The following RGL1 variants were observed in gnomAD, a reference collection of about 807,000 sequenced individuals.
RGL1 encodes the protein ral guanine nucleotide dissociation stimulator-like 1.
Under a neutral mutation model 95.2 loss-of-function variants are expected in RGL1, and 24 were observed. That is an observed-to-expected ratio of 0.25 (90% CI 0.18 to 0.35). The LOEUF (loss-of-function observed/expected upper bound fraction) is 0.35. Ranked by LOEUF, RGL1 falls within the 10% of genes least tolerant of loss-of-function variation. The pLI is 1.00. For synonymous variants in RGL1, 329 were observed against 344.9 expected (o/e 0.95, Z 0.51); for missense variants, 715 against 936.3 (o/e 0.76, Z 3.08).
chr1:183,909,854 T>C (rs1668544204), intron 14 of RGL1, among the ~76,000 whole-genome samples: 1 of 152,180 alleles, frequency 6.6e-6, no homozygotes, highest in South Asian at 2.1e-4. Flanking sequence ...GGTGTAAATC[T>C]GTTAACGGTA....
At chr1:183,874,462 G>C (rs1470819553) in intron 4 of RGL1, among the ~76,000 whole-genome samples, 1 of 151,924 alleles carries the variant, frequency 6.6e-6, no homozygotes, top group Non-Finnish European at 1.5e-5. Context: ...CTGTCTTTCT[G>C]TATGTCTTCC....
intron 17 of RGL1, among the ~76,000 whole-genome samples, chr1:183,924,578 C>T (rs1316451427): frequency 1.3e-5 from 2 of 152,018 alleles, no homozygotes; most frequent in African/African-American, 4.8e-5. Flanking sequence ...ACCTGTGTAA[C>T]AAACCTGCAC....
chr1:183,696,425 TAGGA>T (rs1316738015), intron 1 of RGL1, among the ~76,000 whole-genome samples: 1 of 152,206 alleles, frequency 6.6e-6, no homozygotes, highest in Non-Finnish European at 1.5e-5. Flanking sequence ...TCTAGGTGCA[TAGGA>T]AGGAAGTTAA....
chr1:183,892,657 C>A (rs933256490), intron 9 of RGL1, among the ~76,000 whole-genome samples: 8 of 152,176 alleles, frequency 5.3e-5, no homozygotes, highest in Non-Finnish European at 1.2e-4. Context: ...TAGCTTAGTT[C>A]ATTTTATGTC....
At chr1:183,669,031 C>G (rs528640282) in intron 1 of RGL1, among the ~76,000 whole-genome samples, 19 of 151,504 alleles carry the variant, frequency 1.3e-4, no homozygotes, top group Non-Finnish European at 2.7e-4. Context: ...CAACCTCCGC[C>G]TCCCGGGTTC....
intron 2 of RGL1, among the ~76,000 whole-genome samples, chr1:183,831,039 A>C (rs1277938734): frequency 1.3e-5 from 2 of 152,214 alleles, no homozygotes; most frequent in Non-Finnish European, 2.9e-5. Context: ...AGTGGTGGGC[A>C]AGACAGTTAA....
intron 14 of RGL1, among the ~76,000 whole-genome samples, chr1:183,910,040 C>T (rs1312783023): frequency 6.6e-6 from 1 of 152,112 alleles, no homozygotes; most frequent in African/African-American, 2.4e-5. Flanking sequence ...TGCTTAATTA[C>T]TATTCCTCTG....
rs529479741 is a variant in RGL1 at position 183,661,305 on chromosome 1, C to T, written c.-33+24804C>T. The stretch of plus-strand genomic sequence containing the variant: ...GAAAGGATCAACAAAATTGATAGAC[C>T]GCTAGCAAGACTAGTAAAGAAGAAA... On this transcript the variant is annotated intron_variant, in intron 1 of 18. Coordinates refer to the RGL1 transcript ENST00000304685. Among the ~76,000 whole-genome samples the T allele has an allele frequency of 8.6e-5, 13 of 152,044 alleles. No homozygotes were observed. The East Asian group carries it at 9.6e-4, about 11-fold the overall frequency.
chr1:183,809,578 A>G (rs577193398), intron 2 of RGL1, among the ~76,000 whole-genome samples: 2 of 152,320 alleles, frequency 1.3e-5, no homozygotes, highest in East Asian at 1.9e-4. Flanking sequence ...TTACCCACCT[A>G]TAATTCTCGA....
intron 3 of RGL1, among the ~76,000 whole-genome samples, chr1:183,857,012 G>C (rs1042478847): frequency 2.6e-5 from 4 of 152,160 alleles, no homozygotes; most frequent in African/African-American, 9.7e-5. Flanking sequence ...TAGGTTATAT[G>C]CAAAGGGGAA....
intron 14 of RGL1, 97 bp from the exon 15 acceptor site, chr1:183,911,985 A>T: frequency 1.9e-6 from 2 of 1,062,556 alleles, no homozygotes; most frequent in Non-Finnish European, 2.7e-6. Flanking sequence ...CACAAGACTG[A>T]AAAAACATCA....
chr1:183,807,860 TGATAGGGAAAGCAGAACTA>T lies in RGL1; in HGVS notation c.138+1378_138+1396del, dbSNP rs1661445071. ...TAATTATGTATATCACTAGCAGACC[TGATAGGGAAAGCAGAACTA>T]GAGTTCTGACAAGTCATCACTTTGT... On this transcript the variant is annotated intron_variant, in intron 2 of 17. Transcript: ENST00000360851. Among the ~76,000 whole-genome samples, 4 of 152,260 alleles carry T rather than the reference TGATAGGGAAAGCAGAACTA, an allele frequency of 2.6e-5. No homozygotes were observed. The South Asian group carries it at 8.3e-4, about 32-fold the overall frequency.
At position 183,908,967 on chromosome 1, in the gene RGL1, C is replaced by T. The variant is rs181195148; in HGVS notation, c.1562+1866C>T. 5.9e-5 allele frequency among the ~76,000 whole-genome samples: 9 copies of T among 152,292 alleles called. No individual in the cohort carries two copies. The East Asian group carries it at 1.7e-3, about 29-fold the overall frequency. Reference sequence around the variant, plus strand: ...CCCCTGGATCCTCTGTCTTCACTGACACAGACAAGTGGTCAGTCCTATGAA... The same window carrying T: ...CCCCTGGATCCTCTGTCTTCACTGATACAGACAAGTGGTCAGTCCTATGAA... On this transcript the variant is annotated intron_variant, in intron 14 of 17. Coordinates refer to ENST00000360851, the MANE Select transcript of RGL1 (RefSeq NM_001297671.3).
chr1:183,795,030 G>C (rs1045228853), intron 2 of RGL1, among the ~76,000 whole-genome samples: 9 of 152,100 alleles, frequency 5.9e-5, no homozygotes, highest in Non-Finnish European at 1.0e-4. Context: ...TAATTACTAA[G>C]TACTTGCTGA....
At chr1:183,843,937 C>T (rs931236678) in intron 2 of RGL1, among the ~76,000 whole-genome samples, 4 of 152,180 alleles carry the variant, frequency 2.6e-5, no homozygotes, top group African/African-American at 7.2e-5. Context: ...AAGTGATTCT[C>T]CTGCCTCAGC....
At chr1:183,716,759 G>C (rs1236914189) in intron 1 of RGL1, among the ~76,000 whole-genome samples, 1 of 152,212 alleles carries the variant, frequency 6.6e-6, no homozygotes, top group African/African-American at 2.4e-5. Flanking sequence ...TTTCTTGTCT[G>C]TAAAATGTAA....
intron 2 of RGL1, among the ~76,000 whole-genome samples, chr1:183,827,877 C>A (rs189424925): frequency 6.6e-6 from 1 of 152,180 alleles, no homozygotes; most frequent in Non-Finnish European, 1.5e-5. Context: ...AATGACAAAG[C>A]AGTATGGAGT....
intron 3 of RGL1, among the ~76,000 whole-genome samples, chr1:183,857,325 C>T (rs1665218067): frequency 6.6e-6 from 1 of 152,224 alleles, no homozygotes; most frequent in African/African-American, 2.4e-5. Context: ...GCCCTGACAA[C>T]ACCTTGATTT....
chr1:183,770,886 C>G (rs1659240119), intron 2 of RGL1, among the ~76,000 whole-genome samples: 1 of 152,140 alleles, frequency 6.6e-6, no homozygotes, highest in Non-Finnish European at 1.5e-5. Flanking sequence ...CCATAAAGAT[C>G]AGTTCTATGA....
Sources: gnomAD v4.1 joint callset for allele counts (sites outside exome capture counted in the v4.1 genomes callset) on GRCh38, gnomAD v4.1.1 for gene constraint, MANE v1.5 for transcripts, NCBI Gene and HGNC (gene_info 2026-07-23, HGNC 2026-07-21) for gene names.